Variants in PTPRD observed in about 807,000 individuals in gnomAD.
PTPRD encodes protein tyrosine phosphatase receptor type D, also known as receptor-type tyrosine-protein phosphatase delta.
Under a neutral mutation model 214.5 loss-of-function variants are expected in PTPRD, and 34 were observed. The ratio of observed to expected loss-of-function variants is 0.16; its 90% confidence interval spans 0.12 to 0.21. The LOEUF (loss-of-function observed/expected upper bound fraction) is 0.21. Ranked by LOEUF, PTPRD falls within the 10% of genes least tolerant of loss-of-function variation. The pLI, the probability that PTPRD is intolerant of heterozygous loss-of-function variation, is 1.00. For synonymous variants in PTPRD, 1,128 were observed against 845.7 expected (o/e 1.33, Z -5.79); for missense variants, 2,545 against 2,398.7 (o/e 1.06, Z -1.27).
At chr9:10,307,182 G>C (rs1023587751) in intron 3 of PTPRD, among the ~76,000 whole-genome samples, 2 of 145,266 alleles carry the variant, frequency 1.4e-5, no homozygotes, top group African/African-American at 5.5e-5. Flanking sequence ...CTATCGAAAT[G>C]TATGTTTTTA....
chr9:9,627,740 G>A (rs16929934), intron 7 of PTPRD, among the ~76,000 whole-genome samples: 3,209 of 152,246 alleles, frequency 0.021, 117 homozygotes, highest in African/African-American at 0.074. Flanking sequence ...GAAGCCATTT[G>A]AGATCAGTTC....
At chr9:8,600,581 G>A (rs1347528587) in intron 14 of PTPRD, among the ~76,000 whole-genome samples, 1 of 151,810 alleles carries the variant, frequency 6.6e-6, no homozygotes, top group African/African-American at 2.4e-5. Flanking sequence ...CACAGCCACA[G>A]TAGGATGGGG....
chr9:9,136,086 C>T (rs181670282), intron 10 of PTPRD, among the ~76,000 whole-genome samples: 1 of 152,102 alleles, frequency 6.6e-6, no homozygotes. Flanking sequence ...ATATCTCAAC[C>T]TCATAACATA....
intron 2 of PTPRD, among the ~76,000 whole-genome samples, chr9:10,425,954 T>C (rs193094120): frequency 5.3e-4 from 80 of 152,086 alleles, no homozygotes; most frequent in African/African-American, 1.8e-3. Flanking sequence ...TATTCAAGAA[T>C]ATATACATAT....
intron 8 of PTPRD, among the ~76,000 whole-genome samples, chr9:9,551,311 AG>A (rs746095703): frequency 7.2e-5 from 11 of 152,022 alleles, no homozygotes; most frequent in Non-Finnish European, 1.0e-4. Flanking sequence ...TACAAGCTTT[AG>A]AAATTCAGTA....
At position 10,248,524 on chromosome 9, in the gene PTPRD, A is replaced by T. The variant is rs979350967; in HGVS notation, c.-545+92439T>A. 2.5e-4 allele frequency among the ~76,000 whole-genome samples: 8 copies of T among 31,470 alleles called. 1 individual carries two copies. The highest frequency in any genetic ancestry group is 6.7e-4 in the Admixed American group (2 of 2,974). 20.6% of individuals were successfully genotyped at this position (31,470 alleles called of 152,430 possible). A position where few individuals can be genotyped will look rare whatever the true frequency, so the allele number is the denominator to read the frequency against. On this transcript the variant is annotated intron_variant, in intron 3 of 45. Coordinates refer to ENST00000381196, the MANE Select transcript of PTPRD (RefSeq NM_002839.4). ...GGGTACATATAGCAAAAAAAAAAAA[A>T]AATAAAAAAAATAAAGCGAGAAACC...
At chr9:9,008,444 G>T (rs1315303151) in intron 11 of PTPRD, among the ~76,000 whole-genome samples, 1 of 151,696 alleles carries the variant, frequency 6.6e-6, no homozygotes, top group East Asian at 1.9e-4. Flanking sequence ...AGCCAGGATG[G>T]TCTCATCTCC....
chr9:8,363,649 A>T (rs1353746765), intron 39 of PTPRD, among the ~76,000 whole-genome samples: 1 of 152,238 alleles, frequency 6.6e-6, no homozygotes, highest in Non-Finnish European at 1.5e-5. Context: ...GGGTGATCAG[A>T]ATAGAGCAGT....
At chr9:9,778,583 C>T (rs2098817829) in intron 5 of PTPRD, among the ~76,000 whole-genome samples, 1 of 152,164 alleles carries the variant, frequency 6.6e-6, no homozygotes, top group Middle Eastern at 3.2e-3. Flanking sequence ...GTCCTGCTGT[C>T]TGTCTGCCCC....
intron 5 of PTPRD, among the ~76,000 whole-genome samples, chr9:9,806,081 A>T (rs992725003): frequency 2.0e-5 from 3 of 152,176 alleles, no homozygotes; most frequent in African/African-American, 7.2e-5. Flanking sequence ...GAGATGAAGT[A>T]AATTTACAGA....
At chr9:10,140,809 T>C (rs535033737) in intron 3 of PTPRD, among the ~76,000 whole-genome samples, 2 of 151,706 alleles carry the variant, frequency 1.3e-5, no homozygotes, top group African/African-American at 4.8e-5. Flanking sequence ...AAGAGAATTT[T>C]AGACCAATAT....
intron 2 of PTPRD, among the ~76,000 whole-genome samples, chr9:10,519,559 T>C (rs760242016): frequency 3.3e-5 from 5 of 152,168 alleles, no homozygotes; most frequent in Admixed American, 1.3e-4. Flanking sequence ...TCTTAGCACA[T>C]AGAGGCATAC....
intron 3 of PTPRD, among the ~76,000 whole-genome samples, chr9:10,310,019 C>T (rs1290952093): frequency 6.6e-6 from 1 of 151,878 alleles, no homozygotes; most frequent in African/African-American, 2.4e-5. Flanking sequence ...ACTGGAGATC[C>T]CCTGAGGTAT....
intron 14 of PTPRD, among the ~76,000 whole-genome samples, chr9:8,621,534 T>C (rs1209290825): frequency 6.6e-6 from 1 of 151,960 alleles, no homozygotes; most frequent in Non-Finnish European, 1.5e-5. Context: ...CTTGGTTCTT[T>C]GTACTAGGTT....
intron 3 of PTPRD, among the ~76,000 whole-genome samples, chr9:10,228,858 T>G (rs549180758): frequency 6.6e-6 from 1 of 151,652 alleles, no homozygotes; most frequent in Non-Finnish European, 1.5e-5. Flanking sequence ...ATTTCCAAAT[T>G]AAAATGCTGC....
At chr9:10,456,470 G>C (rs1380116904) in intron 2 of PTPRD, among the ~76,000 whole-genome samples, 4 of 151,972 alleles carry the variant, frequency 2.6e-5, no homozygotes, top group African/African-American at 4.8e-5. Flanking sequence ...TAACTCTAGA[G>C]ACACATTAAA....
chr9:10,309,539 A>C (rs980393001), intron 3 of PTPRD, among the ~76,000 whole-genome samples: 1 of 123,220 alleles, frequency 8.1e-6, no homozygotes, highest in Non-Finnish European at 1.7e-5. Context: ...TTTTTTTTGT[A>C]TTTTTAGTAG....
intron 5 of PTPRD, among the ~76,000 whole-genome samples, chr9:9,909,715 TTGAC>T: frequency 6.6e-6 from 1 of 152,052 alleles, no homozygotes; most frequent in East Asian, 1.9e-4. Context: ...AATTAAGAAA[TTGAC>T]TAAGTTGACT....
intron 3 of PTPRD, among the ~76,000 whole-genome samples, chr9:10,080,195 G>C: frequency 6.6e-6 from 1 of 152,052 alleles, no homozygotes; most frequent in East Asian, 1.9e-4. Flanking sequence ...AAGGAAACTA[G>C]CTACAAATCA....
Sources: allele counts gnomAD v4.1 joint callset (sites outside exome capture counted in the v4.1 genomes callset), GRCh38; gene constraint gnomAD v4.1.1; transcripts MANE v1.5; gene names NCBI Gene and HGNC (gene_info 2026-07-23, HGNC 2026-07-21).